Variants in ZMYM2 observed in about 807,000 individuals in gnomAD.
The protein encoded by ZMYM2 is zinc finger MYM-type containing 2.
ZMYM2 carries 56 observed loss-of-function variants against 162.8 expected under a neutral mutation model. That is an observed-to-expected ratio of 0.34 (90% CI 0.28 to 0.43). ZMYM2 has a LOEUF of 0.43. Ranked by LOEUF, ZMYM2 falls within the 20% of genes least tolerant of loss-of-function variation. ZMYM2 has a pLI of 1.00. For missense variants in ZMYM2, 1,275 were observed against 1,621.8 expected, an observed-to-expected ratio of 0.79 and a Z score of 3.67; for synonymous variants, 510 against 541.6, an observed-to-expected ratio of 0.94 and a Z score of 0.81.
At chr13:20,050,678 A>T (rs1201667807) in intron 12 of ZMYM2, among the ~76,000 whole-genome samples, 3 of 152,152 alleles carry the variant, frequency 2.0e-5, no homozygotes, top group Admixed American at 1.3e-4. Flanking sequence ...GGAAATTAGG[A>T]TCTCTAAAAA....
chr13:19,969,255 T>G (rs1956085793), intron 2 of ZMYM2, among the ~76,000 whole-genome samples: 1 of 152,230 alleles, frequency 6.6e-6, no homozygotes, highest in African/African-American at 2.4e-5. Context: ...GCAGAAGTCT[T>G]TAGCTGATTG....
chr13:20,003,163 A>G (rs368064457), intron 4 of ZMYM2, 28 bp downstream of exon 4: 1 of 1,579,180 alleles, frequency 6.3e-7, no homozygotes, highest in Non-Finnish European at 8.6e-7. Context: ...ACATAATTAC[A>G]TATAGTTGAA....
At chr13:19,921,692 T>G in the ZMYM2 span, among the ~76,000 whole-genome samples, 1 of 152,202 alleles carries the variant, frequency 6.6e-6, no homozygotes, top group African/African-American at 2.4e-5. Context: ...GTTCTTCAAA[T>G]AACTTTAATG....
the ZMYM2 span, among the ~76,000 whole-genome samples, chr13:19,932,707 T>C: frequency 6.6e-6 from 1 of 151,484 alleles, no homozygotes; most frequent in Non-Finnish European, 1.5e-5. Context: ...CATGTGAACA[T>C]GTGAAGATCC....
Position 20,034,259 on chromosome 13 carries a change from A to G in ZMYM2, c.1974A>G (p.Lys658=). 6.3e-7 allele frequency: 1 copy of G among 1,587,416 alleles called. No individual in the cohort carries two copies. The highest frequency in any genetic ancestry group is 8.6e-7 in the Non-Finnish European group (1 of 1,169,408). ...SKPEILEWEN[K]VHQFCSKTCS... ...GGTTCCCATTGTGCATTTAGAACAA[A>G]GTGCATCAGTTCTGCAGCAAAACTT... Residue 658 remains lysine (K), a synonymous_variant, in exon 11 of 25, where the codon AAA becomes AAG. Coordinates refer to ENST00000610343, the MANE Select transcript of ZMYM2 (RefSeq NM_197968.4).
At chr13:19,916,026 A>AT in the ZMYM2 span, among the ~76,000 whole-genome samples, 1 of 151,238 alleles carries the variant, frequency 6.6e-6, no homozygotes, top group Non-Finnish European at 1.5e-5. Context: ...CACCCGGCTA[A>AT]TTTTTTCTAT....
chr13:19,926,573 A>T, the ZMYM2 span, among the ~76,000 whole-genome samples: 1 of 151,920 alleles, frequency 6.6e-6, no homozygotes, highest in African/African-American at 2.4e-5. Context: ...CATGTCGGCC[A>T]GGCTGGTCTT....
intron 12 of ZMYM2, among the ~76,000 whole-genome samples, chr13:20,045,366 T>G (rs952495041): frequency 6.6e-6 from 1 of 152,212 alleles, no homozygotes; most frequent in Non-Finnish European, 1.5e-5. Flanking sequence ...AGAGGTTTGA[T>G]GTACTAAAAA....
chr13:19,924,101 A>G, the ZMYM2 span, among the ~76,000 whole-genome samples: 1 of 152,114 alleles, frequency 6.6e-6, no homozygotes, highest in Non-Finnish European at 1.5e-5. Context: ...CTATATTTAT[A>G]TTGTCGTATA....
chr13:19,867,014 G>A, the ZMYM2 span, among the ~76,000 whole-genome samples: 94 of 152,228 alleles, frequency 6.2e-4, no homozygotes, highest in African/African-American at 9.6e-4. Context: ...AAAATAAACC[G>A]TAGAGGAAAT....
chr13:19,894,304 C>G, the ZMYM2 span, among the ~76,000 whole-genome samples: 2 of 151,696 alleles, frequency 1.3e-5, no homozygotes, highest in African/African-American at 2.4e-5. Context: ...TGGGCAAAAT[C>G]ATCTACTGCA....
the ZMYM2 span, among the ~76,000 whole-genome samples, chr13:19,872,573 A>G: frequency 6.6e-6 from 1 of 152,016 alleles, no homozygotes; most frequent in Non-Finnish European, 1.5e-5. Flanking sequence ...AAAAAAGTGG[A>G]CTTCAAAACA....
intron 21 of ZMYM2, among the ~76,000 whole-genome samples, chr13:20,081,486 G>A (rs986130127): frequency 1.3e-5 from 2 of 152,116 alleles, no homozygotes; most frequent in Admixed American, 6.5e-5. Flanking sequence ...TACAGGTGGA[G>A]AATTAGGAAT....
the ZMYM2 span, among the ~76,000 whole-genome samples, chr13:19,871,165 A>G: frequency 6.6e-6 from 1 of 152,198 alleles, no homozygotes; most frequent in African/African-American, 2.4e-5. Context: ...TGAAAGAGAA[A>G]TACTTGAAGA....
At chr13:20,079,330 AAAAAAAAAAAAAAG>A (rs1299017385) in intron 21 of ZMYM2, among the ~76,000 whole-genome samples, 1 of 142,306 alleles carries the variant, frequency 7.0e-6, no homozygotes, top group Non-Finnish European at 1.5e-5. Context: ...AAAAAAAAAA[AAAAAAAAAAAAAAG>A]GATACTTAAT....
chr13:19,919,242 A>AC, the ZMYM2 span, among the ~76,000 whole-genome samples: 1 of 152,070 alleles, frequency 6.6e-6, no homozygotes, highest in East Asian at 1.9e-4. Flanking sequence ...CACCAGTTTA[A>AC]CCCTATTGAA....
At chr13:20,054,045 C>T (rs1276102749) in intron 14 of ZMYM2, among the ~76,000 whole-genome samples, 1 of 152,216 alleles carries the variant, frequency 6.6e-6, no homozygotes, top group African/African-American at 2.4e-5. Flanking sequence ...ATAGAGGGAG[C>T]ATTATTAATA....
chr13:19,978,323 T>C (rs1956971814), intron 2 of ZMYM2, among the ~76,000 whole-genome samples: 1 of 151,822 alleles, frequency 6.6e-6, no homozygotes, highest in Non-Finnish European at 1.5e-5. Flanking sequence ...ACTCTACTGC[T>C]GTACTTCTCT....
chr13:19,980,625 C>T (rs895997193), intron 2 of ZMYM2, among the ~76,000 whole-genome samples: 7 of 151,316 alleles, frequency 4.6e-5, no homozygotes, highest in African/African-American at 7.3e-5. Flanking sequence ...TGGTGGCAGG[C>T]GCCTGTAATC....
Sources: gnomAD v4.1 joint callset for allele counts (sites outside exome capture counted in the v4.1 genomes callset) on GRCh38, gnomAD v4.1.1 for gene constraint, MANE v1.5 for transcripts, NCBI Gene and HGNC (gene_info 2026-07-23, HGNC 2026-07-21) for gene names.